Variants in DPYSL2 observed in about 807,000 individuals in gnomAD.
DPYSL2 encodes dihydropyrimidinase-related protein 2.
DPYSL2 carries 13 observed loss-of-function variants against 69.9 expected under a neutral mutation model. That is an observed-to-expected ratio of 0.19 (90% CI 0.12 to 0.30). The LOEUF is 0.30. Ranked by LOEUF, DPYSL2 falls within the 10% of genes least tolerant of loss-of-function variation. The pLI is 1.00. For missense variants in DPYSL2, 587 were observed against 918.9 expected (o/e 0.64, Z 4.67); for synonymous variants, 326 against 359.1 (o/e 0.91, Z 1.04).
chr8:26,522,409 C>T (rs2117601274), intron 1 of DPYSL2, among the ~76,000 whole-genome samples: 1 of 152,310 alleles, frequency 6.6e-6, no homozygotes, highest in South Asian at 2.1e-4. Flanking sequence ...ATGTTTAGCT[C>T]TTCGAGGAAC....
In DPYSL2 at chr8:26,593,638, C is replaced by T. The variant is rs555742343; in HGVS notation, c.628+9655C>T. ...TCCTTCAGTTGCTGTCCTTGGTGTTCGGGAAGGTTTTACTTGGCTAATTCC... is the reference window on the plus strand; with the variant it reads ...TCCTTCAGTTGCTGTCCTTGGTGTTTGGGAAGGTTTTACTTGGCTAATTCC... On this transcript the variant is annotated intron_variant, in intron 3 of 13. Coordinates refer to ENST00000521913, the MANE Select transcript of DPYSL2 (RefSeq NM_001197293.3). The surrounding 1 kb of genome is among the most constrained non-coding windows in gnomAD (Gnocchi z 5.7). 2.6e-5 allele frequency among the ~76,000 whole-genome samples: 4 copies of T among 152,226 alleles called. No homozygotes were observed. Among genetic ancestry groups the T allele is most frequent in the East Asian group, 1.9e-4 (1 of 5,180 alleles).
At chr8:26,577,031 C>A in intron 1 of DPYSL2, 1 of 353,200 alleles carries the variant, frequency 2.8e-6, no homozygotes, top group Non-Finnish European at 5.7e-6. Flanking sequence ...CCCATTCCTC[C>A]GCCCTACTAA....
rs898038236 is a variant in DPYSL2 at position 26,587,865 on chromosome 8, G to C, written c.628+3882G>C. On this transcript the variant is annotated intron_variant, in intron 3 of 13. Transcript: ENST00000521913. The surrounding 1 kb of genome is among the most constrained non-coding windows in gnomAD (Gnocchi z 4.2). Reference sequence around the variant, plus strand: ...CTCAGAGTTTCTAGGAAGCAGCTGGGAACAGTTACCTCTATTTTATAGAGG... The same window carrying C: ...CTCAGAGTTTCTAGGAAGCAGCTGGCAACAGTTACCTCTATTTTATAGAGG... Among the ~76,000 whole-genome samples, 2 of 152,160 alleles carry C rather than the reference G, an allele frequency of 1.3e-5. No individual in the cohort carries two copies. The highest frequency in any genetic ancestry group is 1.5e-5 in the Non-Finnish European group (1 of 68,020).
At chr8:26,552,437 TA>T (rs914239845) in intron 1 of DPYSL2, among the ~76,000 whole-genome samples, 2 of 151,938 alleles carry the variant, frequency 1.3e-5, no homozygotes, top group Non-Finnish European at 2.9e-5. Flanking sequence ...AAAGAGAAAA[TA>T]AAACCAAAAG....
intron 3 of DPYSL2, 152 bp downstream of exon 3, chr8:26,584,135 CTTAT>C: frequency 1.4e-6 from 1 of 739,942 alleles, no homozygotes; most frequent in Non-Finnish European, 2.1e-6. Flanking sequence ...AACCATTTGT[CTTAT>C]TTATTTATGC....
At chr8:26,595,645 C>A (rs950225694) in intron 3 of DPYSL2, among the ~76,000 whole-genome samples, 1 of 152,188 alleles carries the variant, frequency 6.6e-6, no homozygotes, top group African/African-American at 2.4e-5. Flanking sequence ...GCTGCAGGGT[C>A]GTGCTGCTGG....
At chr8:26,630,764 C>G (rs1475517503) in intron 7 of DPYSL2, among the ~76,000 whole-genome samples, 2 of 152,184 alleles carry the variant, frequency 1.3e-5, no homozygotes, top group Admixed American at 1.3e-4. Context: ...AGTTAAGTGA[C>G]TGCCCAGTTA....
At chr8:26,628,782 C>T (rs761174095) in intron 7 of DPYSL2, among the ~76,000 whole-genome samples, 3 of 152,132 alleles carry the variant, frequency 2.0e-5, no homozygotes, top group Non-Finnish European at 4.4e-5. Context: ...TGGAGGCTGA[C>T]AGTGAGGAGG....
In DPYSL2 at chr8:26,549,121, G is replaced by A. The variant is rs141094040; in HGVS notation, c.355-32848G>A. On this transcript the variant is annotated intron_variant, in intron 1 of 13. Coordinates refer to ENST00000521913, the MANE Select transcript of DPYSL2 (RefSeq NM_001197293.3). ...AGAGAATCACTTGAACCCAGGAGGC[G>A]GAGGCTGCAGTGAGCTGAGATCATG... is the stretch of plus-strand genomic sequence containing the variant. Among the ~76,000 whole-genome samples the A allele has an allele frequency of 3.4e-3, 510 of 151,532 alleles. 3 individuals carry two copies. The highest frequency in any genetic ancestry group is 0.012 in the African/African-American group (488 of 41,294).
chr8:26,569,571 G>A (rs1342550262), intron 1 of DPYSL2, among the ~76,000 whole-genome samples: 2 of 152,170 alleles, frequency 1.3e-5, no homozygotes, highest in East Asian at 3.9e-4. Context: ...TCACTGTAAG[G>A]TGGAGTGGAG....
chr8:26,634,950 G>C, intron 8 of DPYSL2, 50 bp downstream of exon 8: 1 of 1,608,996 alleles, frequency 6.2e-7, no homozygotes, highest in Non-Finnish European at 8.5e-7. Context: ...GGTTTGGAGG[G>C]GAGGGGGGCT....
Position 26,627,762 on chromosome 8 carries a change from G to T in DPYSL2, c.937-110G>T, listed in dbSNP as rs1802653399. On this transcript the variant is annotated intron_variant, in intron 6 of 13. Coordinates refer to ENST00000521913, the MANE Select transcript of DPYSL2 (RefSeq NM_001197293.3). This position sits in a 1 kb window ranked among gnomAD's most constrained non-coding sequence, Gnocchi z 6.9. ...TCTTGGGATGAGGGCAGAACGATCG[G>T]CAGTGGTAATTTTCCATCTTGCCCG... The T allele has an allele frequency of 9.3e-7, 1 of 1,072,606 alleles. No homozygotes were observed. The highest frequency in any genetic ancestry group is 2.9e-4 in the Middle Eastern group (1 of 3,464). 66.4% of individuals were successfully genotyped at this position (1,072,606 alleles called of 1,614,324 possible). A position where few individuals can be genotyped will look rare whatever the true frequency, so the allele number is the denominator to read the frequency against.
intron 11 of DPYSL2, among the ~76,000 whole-genome samples, chr8:26,651,748 C>T (rs958020209): frequency 2.6e-5 from 4 of 152,190 alleles, no homozygotes; most frequent in African/African-American, 7.2e-5. Flanking sequence ...ATCATTTTAT[C>T]GGAGGCATGT....
In DPYSL2 at chr8:26,626,480, GAAACACACAC is replaced by G. The variant is rs1427901409; in HGVS notation, c.794-135_794-126del. The G allele has an allele frequency of 1.6e-6, 1 of 621,378 alleles. No individual in the cohort carries two copies. The highest frequency in any genetic ancestry group is 2.5e-6 in the Non-Finnish European group (1 of 398,476). The allele number at this position is 621,378 out of a possible 1,614,324, so 38.5% of individuals were successfully genotyped here. A position where few individuals can be genotyped will look rare whatever the true frequency, so the allele number is the denominator to read the frequency against. On this transcript the variant is annotated intron_variant, in intron 4 of 13. Coordinates refer to ENST00000521913, the MANE Select transcript of DPYSL2 (RefSeq NM_001197293.3). This position sits in a 1 kb window ranked among gnomAD's most constrained non-coding sequence, Gnocchi z 4.3. The stretch of plus-strand genomic sequence containing the variant: ...TCTCTCCTCTCTCTTTCTCTGTACT[GAAACACACAC>G]ACACACACACACACACACACACACA...
chr8:26,625,789 T>C (rs926732927), intron 4 of DPYSL2, among the ~76,000 whole-genome samples: 5 of 152,352 alleles, frequency 3.3e-5, no homozygotes, highest in East Asian at 1.9e-4. Flanking sequence ...CAGACTTGTT[T>C]GGTAGAGGCA....
chr8:26,573,652 G>A (rs1208219503), intron 1 of DPYSL2, among the ~76,000 whole-genome samples: 1 of 118,518 alleles, frequency 8.4e-6, no homozygotes, highest in African/African-American at 3.2e-5. Flanking sequence ...TGGGGCAACA[G>A]AGCAAGACTG....
At chr8:26,566,992 A>G (rs1438385963) in intron 1 of DPYSL2, among the ~76,000 whole-genome samples, 2 of 151,344 alleles carry the variant, frequency 1.3e-5, no homozygotes, top group Non-Finnish European at 2.9e-5. Flanking sequence ...CTGTCTATCC[A>G]TCTATTCATC....
At chr8:26,541,808 C>G (rs1237152569) in intron 1 of DPYSL2, among the ~76,000 whole-genome samples, 1 of 151,914 alleles carries the variant, frequency 6.6e-6, no homozygotes, top group African/African-American at 2.4e-5. Context: ...AACAGATACA[C>G]AAGAGATGAA....
Position 26,643,797 on chromosome 8 carries a change from C to T in DPYSL2, c.1284-153C>T, listed in dbSNP as rs1440802718. ...GGGGATTCTGGATAAAAACCTGGGC[C>T]ATGTTGAAAGTCAAGCCAAGAAGGG... On this transcript the variant is annotated intron_variant, in intron 9 of 13. Transcript: ENST00000521913. The surrounding 1 kb of genome is among the most constrained non-coding windows in gnomAD (Gnocchi z 6.5). Among the ~76,000 whole-genome samples, 1 of 152,150 alleles carries T rather than the reference C, an allele frequency of 6.6e-6. No homozygotes were observed.
Sources: gnomAD v4.1 joint callset for allele counts (sites outside exome capture counted in the v4.1 genomes callset) on GRCh38, gnomAD v4.1.1 for gene constraint, Gnocchi (gnomAD v3.1) non-coding constraint, MANE v1.5 for transcripts, NCBI Gene and HGNC (gene_info 2026-07-23, HGNC 2026-07-21) for gene names.